The following DAD1 variants were observed in gnomAD, a reference collection of about 807,000 sequenced individuals.
DAD1 encodes the protein defender against cell death 1, also known as dolichyl-diphosphooligosaccharide--protein glycosyltransferase subunit DAD1.
A neutral mutation model predicts 9.0 loss-of-function variants in DAD1; 4 were observed. The observed-to-expected ratio is 0.44, with a 90% CI of 0.22 to 1.01. DAD1 has a LOEUF of 1.01. Among genes scored for constraint, DAD1 ranks in the 50% least tolerant of loss-of-function variants. The probability of loss-of-function intolerance (pLI) is 0.24; values close to 1 mark genes in which losing one functional copy is unlikely to be tolerated. For missense variants in DAD1, 119 were observed against 137.3 expected, an observed-to-expected ratio of 0.87 and a Z score of 0.67; for synonymous variants, 60 against 62.5, an observed-to-expected ratio of 0.96 and a Z score of 0.19.
Position 22,585,942 on chromosome 14 carries a change from C to T in DAD1, c.211+3005G>A, listed in dbSNP as rs5742751. Among the ~76,000 whole-genome samples, 171 of 152,318 alleles carry T rather than the reference C, an allele frequency of 1.1e-3. 5 individuals carry two copies. The South Asian group carries it at 0.029, about 25-fold the overall frequency. On this transcript the variant is annotated intron_variant, in intron 1 of 2. Coordinates refer to ENST00000250498, the MANE Select transcript of DAD1 (RefSeq NM_001344.4). ...ACCCTCAGTGCCGGGTGTGGTGGCT[C>T]ACGCCTGTAATCCCAACACTTTAGG... is the stretch of plus-strand genomic sequence containing the variant.
chr14:22,568,187 C>T (rs569280862), intron 2 of DAD1, among the ~76,000 whole-genome samples: 1 of 152,118 alleles, frequency 6.6e-6, no homozygotes, highest in South Asian at 2.1e-4. Flanking sequence ...GGTGTAATTA[C>T]CTCAAGTGTA....
chr14:22,585,836 G>A (rs2037147912), intron 1 of DAD1, among the ~76,000 whole-genome samples: 2 of 152,158 alleles, frequency 1.3e-5, no homozygotes, highest in Non-Finnish European at 2.9e-5. Flanking sequence ...AAAAAAAATA[G>A]AGAAGATTAA....
chr14:22,567,599 C>A (rs941512753), intron 2 of DAD1, among the ~76,000 whole-genome samples: 1 of 152,226 alleles, frequency 6.6e-6, no homozygotes, highest in Non-Finnish European at 1.5e-5. Context: ...ACCACAGCCA[C>A]TAGACACAGG....
intron 2 of DAD1, among the ~76,000 whole-genome samples, chr14:22,569,703 T>G (rs2037025459): frequency 6.6e-6 from 1 of 152,178 alleles, no homozygotes; most frequent in Non-Finnish European, 1.5e-5. Context: ...TAAATATAAA[T>G]CTATTTCGAT....
At chr14:22,575,675 G>A (rs959260667) in intron 1 of DAD1, among the ~76,000 whole-genome samples, 1 of 152,174 alleles carries the variant, frequency 6.6e-6, no homozygotes, top group Non-Finnish European at 1.5e-5. Flanking sequence ...AGCCTCCCAA[G>A]TAGCCGGGAC....
chr14:22,588,870 G>C, intron 1 of DAD1, 77 bp downstream of exon 1: 1 of 1,440,066 alleles, frequency 6.9e-7, no homozygotes, highest in Non-Finnish European at 9.5e-7. Context: ...GCGGTGGTCT[G>C]ATATAGAGTA....
chr14:22,571,285 G>C (rs1288116964), intron 2 of DAD1, among the ~76,000 whole-genome samples: 2 of 136,606 alleles, frequency 1.5e-5, no homozygotes, highest in African/African-American at 5.9e-5. Context: ...CTGCACTCTA[G>C]CCTGGGCAAG....
intron 1 of DAD1, among the ~76,000 whole-genome samples, chr14:22,580,010 T>TTTTG (rs147774278): frequency 0.091 from 13,823 of 151,698 alleles, 1,150 homozygotes; most frequent in African/African-American, 0.22. Flanking sequence ...TAGCTAATTT[T>TTTTG]TTTGTTTGTT....
At chr14:22,572,681 T>G (rs17119928) in intron 2 of DAD1, among the ~76,000 whole-genome samples, 14,089 of 152,246 alleles carry the variant, frequency 0.093, 1,212 homozygotes, top group African/African-American at 0.22. Context: ...CAGTAGAGTC[T>G]TCCTCCAATC....
chr14:22,582,072 T>TGGCA (rs2037120655), intron 1 of DAD1, among the ~76,000 whole-genome samples: 2 of 151,920 alleles, frequency 1.3e-5, no homozygotes, highest in South Asian at 4.2e-4. Context: ...CCGGGTGCAG[T>TGGCA]GGCAGGCTCC....
chr14:22,578,855 C>A (rs753509545), intron 1 of DAD1, among the ~76,000 whole-genome samples: 5 of 151,938 alleles, frequency 3.3e-5, no homozygotes, highest in Non-Finnish European at 7.4e-5. Flanking sequence ...GAGGCTTTCT[C>A]AAAGAAAAAA....
intron 2 of DAD1, among the ~76,000 whole-genome samples, chr14:22,568,531 A>T (rs2037016124): frequency 6.6e-6 from 1 of 152,190 alleles, no homozygotes; most frequent in Admixed American, 6.5e-5. Context: ...AACACAAAAG[A>T]ACCATCAAGA....
rs139720312 is a variant in DAD1 at position 22,589,140 on chromosome 14, C to T, written c.18G>A (p.Val6=). ...CTTCTAAGAACCGCGAAATGACAGA[C>T]ACTACCGACGCCGACATAACTGCAC... MSASV[V]SVISRFLEEY... The change falls in exon 1 of 3, where the codon GTG becomes GTA. Residue 6 remains valine, a synonymous_variant. Coordinates refer to ENST00000250498, the MANE Select transcript of DAD1 (RefSeq NM_001344.4). 389 of 1,614,106 alleles carry T rather than the reference C, an allele frequency of 2.4e-4. No individual in the cohort carries two copies. The highest frequency in any genetic ancestry group is 4.5e-5 in the Non-Finnish European group (53 of 1,180,044).
chr14:22,588,774 T>G (rs1383152566), intron 1 of DAD1, among the ~76,000 whole-genome samples, 173 bp downstream of exon 1: 1 of 152,208 alleles, frequency 6.6e-6, no homozygotes, highest in Non-Finnish European at 1.5e-5. Context: ...CCGTTTGGTA[T>G]TAGGCATATA....
intron 1 of DAD1, among the ~76,000 whole-genome samples, chr14:22,582,380 C>T (rs2037123141): frequency 6.6e-6 from 1 of 150,412 alleles, no homozygotes; most frequent in Non-Finnish European, 1.5e-5. Context: ...AAAAATTAGC[C>T]GGTCATTGTG....
intron 2 of DAD1, among the ~76,000 whole-genome samples, chr14:22,572,983 T>G (rs1441271427): frequency 6.6e-6 from 1 of 152,220 alleles, no homozygotes; most frequent in Non-Finnish European, 1.5e-5. Flanking sequence ...TAACTAGCAA[T>G]AGCTGTTATC....
At chr14:22,585,866 C>A (rs2037148121) in intron 1 of DAD1, among the ~76,000 whole-genome samples, 1 of 152,180 alleles carries the variant, frequency 6.6e-6, no homozygotes, top group African/African-American at 2.4e-5. Context: ...CCCTCCAATT[C>A]ATCCTACATG....
At chr14:22,577,676 T>C (rs1334848908) in intron 1 of DAD1, among the ~76,000 whole-genome samples, 1 of 152,144 alleles carries the variant, frequency 6.6e-6, no homozygotes, top group African/African-American at 2.4e-5. Context: ...ACATAAGCCA[T>C]GACAAAGGGA....
In DAD1 at chr14:22,589,202, G is replaced by T; in HGVS notation, c.-45C>A. On this transcript the variant is annotated 5_prime_UTR_variant, in exon 1 of 3. Transcript: ENST00000250498. ...CGGTCCGCGCCCCAAACTCTTGGAG[G>T]ACCCGTCGACCACACCGGATGTGCT... The T allele has an allele frequency of 6.3e-7, 1 of 1,595,292 alleles. No individual in the cohort carries two copies. Among genetic ancestry groups the T allele is most frequent in the South Asian group, 1.1e-5 (1 of 90,288 alleles).
Sources: allele counts gnomAD v4.1 joint callset (sites outside exome capture counted in the v4.1 genomes callset), GRCh38; gene constraint gnomAD v4.1.1; transcripts MANE v1.5; gene names NCBI Gene and HGNC (gene_info 2026-07-23, HGNC 2026-07-21).